AFG2A: variants seen among roughly 807,000 people sequenced by gnomAD.
AFG2A encodes ATPase family gene 2 protein homolog A.
the AFG2A span, among the ~76,000 whole-genome samples, chr4:123,203,624 T>A: frequency 6.6e-6 from 1 of 152,248 alleles, no homozygotes; most frequent in Non-Finnish European, 1.5e-5. Flanking sequence ...TTTATGGATG[T>A]ACCAGAGTTT....
the AFG2A span, chr4:123,057,096 C>A: frequency 2.0e-6 from 2 of 1,012,274 alleles, no homozygotes; most frequent in Non-Finnish European, 1.5e-6. Flanking sequence ...AGTGACTGGG[C>A]TTGTTGACTT....
chr4:123,100,706 G>A, the AFG2A span, among the ~76,000 whole-genome samples: 39 of 151,904 alleles, frequency 2.6e-4, no homozygotes, highest in Middle Eastern at 3.4e-3. Context: ...AAAGTCATCA[G>A]GAACAACAAC....
chr4:122,995,879 A>G, the AFG2A span, among the ~76,000 whole-genome samples: 1 of 152,230 alleles, frequency 6.6e-6, no homozygotes. Flanking sequence ...AATAATTCGC[A>G]TAAAGACTAG....
At chr4:123,061,696 C>T in the AFG2A span, among the ~76,000 whole-genome samples, 1 of 152,328 alleles carries the variant, frequency 6.6e-6, no homozygotes, top group South Asian at 2.1e-4. Context: ...TTTCCACCCC[C>T]CTCACATTTG....
chr4:123,065,620 A>G, the AFG2A span, among the ~76,000 whole-genome samples: 1 of 152,220 alleles, frequency 6.6e-6, no homozygotes, highest in African/African-American at 2.4e-5. Context: ...AAGAAAACTG[A>G]TTAAATAAAA....
chr4:122,936,980 C>T, the AFG2A span, among the ~76,000 whole-genome samples: 21 of 151,654 alleles, frequency 1.4e-4, no homozygotes, highest in Non-Finnish European at 2.6e-4. Flanking sequence ...GACTTTGACT[C>T]GAAAAAATAA....
chr4:123,300,517 C>T, the AFG2A span, among the ~76,000 whole-genome samples: 1 of 152,102 alleles, frequency 6.6e-6, no homozygotes, highest in East Asian at 1.9e-4. Context: ...AAGACAACAG[C>T]CCATATAATT....
At chr4:123,182,155 C>T in the AFG2A span, among the ~76,000 whole-genome samples, 2 of 152,054 alleles carry the variant, frequency 1.3e-5, no homozygotes, top group Admixed American at 6.6e-5. Flanking sequence ...ACTAAGATAC[C>T]GTTATAAAGC....
At chr4:123,128,634 A>G in the AFG2A span, among the ~76,000 whole-genome samples, 8,173 of 152,140 alleles carry the variant, frequency 0.054, 700 homozygotes, top group African/African-American at 0.18. Flanking sequence ...TGAATATTCT[A>G]GTGAATGGAT....
the AFG2A span, chr4:123,313,950 C>G: frequency 6.2e-7 from 1 of 1,613,002 alleles, no homozygotes; most frequent in Non-Finnish European, 8.5e-7. Context: ...AAGCCAATCT[C>G]ATCATGAAAA....
At chr4:123,062,688 G>C in the AFG2A span, among the ~76,000 whole-genome samples, 1 of 152,136 alleles carries the variant, frequency 6.6e-6, no homozygotes, top group Non-Finnish European at 1.5e-5. Context: ...TACCATTGTA[G>C]GTAGTGGTAA....
At chr4:123,132,296 A>C in the AFG2A span, among the ~76,000 whole-genome samples, 1 of 151,980 alleles carries the variant, frequency 6.6e-6, no homozygotes, top group Non-Finnish European at 1.5e-5. Context: ...ACTTTTCCCA[A>C]CCCTTAGGTC....
At chr4:123,026,935 C>G in the AFG2A span, among the ~76,000 whole-genome samples, 1 of 152,158 alleles carries the variant, frequency 6.6e-6, no homozygotes, top group Non-Finnish European at 1.5e-5. Flanking sequence ...CTTTTAATTA[C>G]TCATTTGTCC....
chr4:122,945,626 G>A, the AFG2A span, among the ~76,000 whole-genome samples: 1 of 152,166 alleles, frequency 6.6e-6, no homozygotes, highest in African/African-American at 2.4e-5. Context: ...CCCTGCTTCG[G>A]CTCGCACACG....
chr4:123,096,485 C>T, the AFG2A span, among the ~76,000 whole-genome samples: 1 of 151,920 alleles, frequency 6.6e-6, no homozygotes, highest in Admixed American at 6.6e-5. Flanking sequence ...CAGTCCATGA[C>T]ATTTTATACA....
At chr4:122,986,175 G>T in the AFG2A span, among the ~76,000 whole-genome samples, 1 of 152,020 alleles carries the variant, frequency 6.6e-6, no homozygotes, top group Admixed American at 6.6e-5. Flanking sequence ...ATTTATTGAG[G>T]CTCGTTTTAT....
the AFG2A span, among the ~76,000 whole-genome samples, chr4:122,931,029 A>T: frequency 3.9e-5 from 6 of 152,180 alleles, no homozygotes; most frequent in Non-Finnish European, 8.8e-5. Context: ...TAAATCCTTC[A>T]GTTGCAACTG....
the AFG2A span, among the ~76,000 whole-genome samples, chr4:123,224,715 G>A: frequency 6.6e-6 from 1 of 152,066 alleles, no homozygotes; most frequent in Non-Finnish European, 1.5e-5. Context: ...TAATCATTTG[G>A]GTATATACCC....
At chr4:123,278,810 A>T in the AFG2A span, among the ~76,000 whole-genome samples, 1 of 152,140 alleles carries the variant, frequency 6.6e-6, no homozygotes, top group Non-Finnish European at 1.5e-5. Context: ...CTTTTGCCTT[A>T]ATTTTCATTT....
Sources: gnomAD v4.1 joint callset for allele counts (sites outside exome capture counted in the v4.1 genomes callset) on GRCh38, gnomAD v4.1.1 for gene constraint, MANE v1.5 for transcripts, NCBI Gene and HGNC (gene_info 2026-07-23, HGNC 2026-07-21) for gene names.